DNAH6: variants seen among roughly 807,000 people sequenced by gnomAD.
The protein encoded by DNAH6 is axonemal beta dynein heavy chain 6.
Under a neutral mutation model 491.4 loss-of-function variants are expected in DNAH6, and 340 were observed. That is an observed-to-expected ratio of 0.69 (90% CI 0.63 to 0.76). The LOEUF (loss-of-function observed/expected upper bound fraction) is 0.76, where lower values mean the gene tolerates loss of function less well. DNAH6 is among the 30% of genes least tolerant of loss of function. The pLI, the probability that DNAH6 is intolerant of heterozygous loss-of-function variation, is 0.00. For synonymous variants in DNAH6, 1,603 were observed against 1,686.1 expected (o/e 0.95, Z 1.21); for missense variants, 4,443 against 4,972.2 (o/e 0.89, Z 3.20).
chr2:84,815,149 C>T (rs1471168392), intron 75 of DNAH6, among the ~76,000 whole-genome samples: 1 of 152,228 alleles, frequency 6.6e-6, no homozygotes, highest in African/African-American at 2.4e-5. Flanking sequence ...GAAGTCCCAT[C>T]CTGCTGCACC....
At chr2:84,639,604 G>T (rs1558836508) in intron 31 of DNAH6, among the ~76,000 whole-genome samples, 3 of 151,992 alleles carry the variant, frequency 2.0e-5, no homozygotes, top group Non-Finnish European at 4.4e-5. Flanking sequence ...ATTTTTAGTA[G>T]AGATGGGGTT....
intron 2 of DNAH6, 70 bp downstream of exon 2, chr2:84,518,121 G>T: frequency 1.7e-6 from 2 of 1,187,430 alleles, no homozygotes; most frequent in Non-Finnish European, 1.2e-6. Flanking sequence ...TTGGAGGATA[G>T]AAGTCATGTC....
intron 68 of DNAH6, among the ~76,000 whole-genome samples, chr2:84,787,819 G>A (rs943779770): frequency 6.6e-6 from 1 of 152,070 alleles, no homozygotes; most frequent in African/African-American, 2.4e-5. Context: ...AACCTTTCAG[G>A]AATTAAATTT....
At chr2:84,762,185 A>G (rs1674656991) in intron 63 of DNAH6, among the ~76,000 whole-genome samples, 1 of 152,190 alleles carries the variant, frequency 6.6e-6, no homozygotes, top group Non-Finnish European at 1.5e-5. Flanking sequence ...GAGAAGGGTC[A>G]GAAGAGGCTG....
chr2:84,572,802 C>T (rs940358301), intron 11 of DNAH6, among the ~76,000 whole-genome samples: 2 of 152,156 alleles, frequency 1.3e-5, no homozygotes, highest in African/African-American at 4.8e-5. Context: ...AGACATGGAC[C>T]AAGACCAACA....
chr2:84,561,389 A>C (rs1003329034), intron 11 of DNAH6, among the ~76,000 whole-genome samples: 1 of 152,224 alleles, frequency 6.6e-6, no homozygotes, highest in Admixed American at 6.5e-5. Context: ...AAATTAATTC[A>C]AGATGGATTA....
chr2:84,650,487 A>T (rs1298901611), intron 33 of DNAH6, among the ~76,000 whole-genome samples: 1 of 150,318 alleles, frequency 6.7e-6, no homozygotes, highest in Non-Finnish European at 1.5e-5. Flanking sequence ...AAAATTTCTA[A>T]TAGGCTCTCT....
intron 71 of DNAH6, 53 bp from the exon 72 acceptor site, chr2:84,808,362 T>C: frequency 6.8e-7 from 1 of 1,460,738 alleles, no homozygotes; most frequent in Middle Eastern, 1.8e-4. Flanking sequence ...TTAGCAATAT[T>C]GTGAGAACAA....
chr2:84,668,029 G>C (rs1056257172), intron 37 of DNAH6, among the ~76,000 whole-genome samples: 1 of 151,252 alleles, frequency 6.6e-6, no homozygotes, highest in African/African-American at 2.4e-5. Context: ...TCATAGGTGG[G>C]AATTGAACAA....
At chr2:84,782,170 C>A (rs1676758032) in intron 65 of DNAH6, among the ~76,000 whole-genome samples, 1 of 152,164 alleles carries the variant, frequency 6.6e-6, no homozygotes, top group Non-Finnish European at 1.5e-5. Flanking sequence ...TTTTATCTCA[C>A]CACTTTTTTG....
rs1484274076 is a variant in DNAH6, at chr2:84,607,050, A to T, written c.3249A>T (p.Arg1083=). 6.4e-7 allele frequency: 1 copy of T among 1,551,546 alleles called. No homozygotes were observed. The highest frequency in any genetic ancestry group is 2.0e-5 in the Admixed American group (1 of 51,002). ...GTTACCTTGGTCCACTGAAAACTCG[A>T]GTGGATGAATGGCAAAAACAACTTG... ...SSRYLGPLKT[R]VDEWQKQLAL... is the part of the protein sequence containing the mutation. Residue 1083 remains arginine, a synonymous_variant, in exon 21 of 77, where the codon CGA becomes CGT. Transcript: ENST00000389394.
intron 40 of DNAH6, among the ~76,000 whole-genome samples, chr2:84,674,075 G>C (rs1692998928): frequency 6.6e-6 from 1 of 152,182 alleles, no homozygotes; most frequent in Non-Finnish European, 1.5e-5. Context: ...CAAGAAAAGG[G>C]CGGGGGGCAT....
rs1171111195 is a variant in DNAH6 at position 84,531,349 on chromosome 2, T to A, written c.662+2183T>A. 3.5e-3 allele frequency among the ~76,000 whole-genome samples: 5 copies of A among 1,440 alleles called. 2 individuals carry two copies. Among genetic ancestry groups the A allele is most frequent in the South Asian group, 0.083 (1 of 12 alleles). The allele number at this position is 1,440 out of a possible 152,430, so 0.9% of individuals were successfully genotyped here. The stretch of plus-strand genomic sequence containing the variant: ...CCTTTTTTTTTTTATTTTTTATTTT[T>A]TTTTATTTTTTTTTTTTTTGAGACG... On this transcript the variant is annotated intron_variant, in intron 4 of 76. Transcript: ENST00000389394.
Position 84,777,756 on chromosome 2 carries a change from GATTGCAACCACTTCCAAT to G in DNAH6, c.10704-3735_10704-3718del. 12 of 900,684 alleles carry G rather than the reference GATTGCAACCACTTCCAAT, an allele frequency of 1.3e-5. 1 individual carries two copies. In the South Asian group the frequency reaches 1.6e-4, roughly 12 times the overall value. 55.8% of individuals were successfully genotyped at this position (900,684 alleles called of 1,614,324 possible). A position where few individuals can be genotyped will look rare whatever the true frequency, so the allele number is the denominator to read the frequency against. On this transcript the variant is annotated intron_variant, in intron 64 of 76. Transcript: ENST00000389394. ...AGGTAACGGAATCGGGCTGAATCCA[GATTGCAACCACTTCCAAT>G]AATACAGTTTTTGGGGAAGCCACTT...
intron 41 of DNAH6, among the ~76,000 whole-genome samples, chr2:84,678,735 A>T (rs1476463287): frequency 6.6e-6 from 1 of 152,090 alleles, no homozygotes; most frequent in Non-Finnish European, 1.5e-5. Context: ...ATAGCTAAAA[A>T]CTGGCTGTGA....
chr2:84,470,116 T>A, the DNAH6 span, among the ~76,000 whole-genome samples: 1 of 152,048 alleles, frequency 6.6e-6, no homozygotes, highest in Non-Finnish European at 1.5e-5. Flanking sequence ...TTCCTATGAG[T>A]CGGGGGTCTC....
chr2:84,819,088 C>G (rs1220445719), intron 76 of DNAH6, among the ~76,000 whole-genome samples: 1 of 150,062 alleles, frequency 6.7e-6, no homozygotes, highest in Non-Finnish European at 1.5e-5. Flanking sequence ...AAAAAAAATT[C>G]TATGAAGTCT....
intron 40 of DNAH6, among the ~76,000 whole-genome samples, chr2:84,674,206 T>C (rs1340298502): frequency 6.6e-6 from 1 of 152,150 alleles, no homozygotes; most frequent in Non-Finnish European, 1.5e-5. Context: ...GTTTTATAGA[T>C]CAAGAAATAG....
chr2:84,719,860 T>C (rs924603787), intron 59 of DNAH6, among the ~76,000 whole-genome samples: 6 of 147,438 alleles, frequency 4.1e-5, no homozygotes, highest in African/African-American at 1.6e-4. Context: ...AACTGTTATC[T>C]GTACCTCTAA....
Sources: allele counts gnomAD v4.1 joint callset (sites outside exome capture counted in the v4.1 genomes callset), GRCh38; gene constraint gnomAD v4.1.1; transcripts MANE v1.5; gene names NCBI Gene and HGNC (gene_info 2026-07-23, HGNC 2026-07-21).